Variants in LRP1B observed in about 807,000 individuals in gnomAD.
LRP1B encodes low-density lipoprotein receptor-related protein 1B.
LRP1B carries 217 observed loss-of-function variants against 556.6 expected under a neutral mutation model. That is an observed-to-expected ratio of 0.39 (90% confidence interval 0.35 to 0.44). The LOEUF (loss-of-function observed/expected upper bound fraction) is 0.44, where lower values mean the gene tolerates loss of function less well. Ranked by LOEUF, LRP1B falls within the 20% of genes least tolerant of loss-of-function variation. The pLI, the probability that LRP1B is intolerant of heterozygous loss-of-function variation, is 1.00. For missense variants in LRP1B, 5,053 were observed against 5,620.8 expected (o/e 0.90, Z 3.23); for synonymous variants, 2,047 against 1,865.8 (o/e 1.10, Z -2.50).
chr2:140,353,342 TTTTC>T (rs775091368), intron 75 of LRP1B, among the ~76,000 whole-genome samples: 51 of 152,192 alleles, frequency 3.4e-4, no homozygotes, highest in Non-Finnish European at 6.5e-4. Context: ...GGGCTTTCTT[TTTTC>T]TTTCTTAAAA....
intron 41 of LRP1B, among the ~76,000 whole-genome samples, chr2:140,647,107 T>C (rs1574188053): frequency 6.6e-6 from 1 of 152,302 alleles, no homozygotes; most frequent in East Asian, 1.9e-4. Flanking sequence ...CGCATTTAAA[T>C]GCAGTATTCT....
At position 140,556,317 on chromosome 2, in the gene LRP1B, GC is replaced by G. The variant is rs139197425; in HGVS notation, c.7195-14347del. Among the ~76,000 whole-genome samples the G allele has an allele frequency of 1.4e-3, 218 of 151,920 alleles. 1 individual carries two copies. The highest frequency in any genetic ancestry group is 5.1e-3 in the African/African-American group (212 of 41,460). On this transcript the variant is annotated intron_variant, in intron 43 of 90. Coordinates refer to ENST00000389484, the MANE Select transcript of LRP1B (RefSeq NM_018557.3). ...AATCTGCCCTATACTTGGAGGAAAG[GC>G]CCCCCCACAATGTACTCTATACGTG...
At position 141,349,228 on chromosome 2, in the gene LRP1B, C is replaced by A. The variant is rs185253137; in HGVS notation, c.344-94587G>T. On this transcript the variant is annotated intron_variant, in intron 3 of 90. Transcript: ENST00000389484. ...TAAATAACTAATCAATAAATATGGC[C>A]ACATCATCATCTTTTATCCCTCCTT... Among the ~76,000 whole-genome samples, 15 of 151,996 alleles carry A rather than the reference C, an allele frequency of 9.9e-5. No individual in the cohort carries two copies. In the East Asian group the frequency reaches 2.7e-3, roughly 27 times the overall value.
intron 1 of LRP1B, among the ~76,000 whole-genome samples, chr2:141,877,631 TA>T (rs1239266961): frequency 2.6e-5 from 4 of 152,028 alleles, no homozygotes; most frequent in Non-Finnish European, 5.9e-5. Flanking sequence ...TTCGCAAATT[TA>T]ATTTCTAATT....
chr2:142,113,598 G>T (rs1253857227), intron 1 of LRP1B, among the ~76,000 whole-genome samples: 1 of 152,008 alleles, frequency 6.6e-6, no homozygotes, highest in Non-Finnish European at 1.5e-5. Context: ...ACAATGTTGT[G>T]TTCATGGTGA....
At chr2:141,334,218 C>T (rs111550057) in intron 3 of LRP1B, among the ~76,000 whole-genome samples, 3,216 of 152,234 alleles carry the variant, frequency 0.021, 57 homozygotes, top group Non-Finnish European at 0.034. Context: ...CAGTGTTGGA[C>T]GTGGGGCCTG....
intron 41 of LRP1B, among the ~76,000 whole-genome samples, chr2:140,687,159 A>G (rs560304159): frequency 6.6e-6 from 1 of 152,214 alleles, no homozygotes; most frequent in Admixed American, 6.5e-5. Context: ...AAGATTTCTG[A>G]GAGAAGAGGA....
At chr2:141,941,913 T>C (rs562618522) in intron 1 of LRP1B, among the ~76,000 whole-genome samples, 2 of 152,330 alleles carry the variant, frequency 1.3e-5, no homozygotes, top group Admixed American at 1.3e-4. Flanking sequence ...CAAAGACTAT[T>C]ACATAATGCT....
intron 1 of LRP1B, among the ~76,000 whole-genome samples, chr2:141,933,901 A>G (rs1433216800): frequency 6.6e-6 from 1 of 152,126 alleles, no homozygotes; most frequent in East Asian, 1.9e-4. Flanking sequence ...TTAAAAAATA[A>G]TCAGCCAATC....
At chr2:142,088,983 A>G (rs1422449050) in intron 1 of LRP1B, among the ~76,000 whole-genome samples, 7 of 55,530 alleles carry the variant, frequency 1.3e-4, no homozygotes, top group Non-Finnish European at 2.0e-4. Flanking sequence ...TCAAAAAAAA[A>G]AAAAAAAAAA....
chr2:141,741,263 C>CTTTTTTTTTTTTTTTTTTTTTT (rs11326947), intron 2 of LRP1B, among the ~76,000 whole-genome samples: 3 of 57,982 alleles, frequency 5.2e-5, no homozygotes, highest in South Asian at 6.3e-4. Flanking sequence ...TACTGATTTC[C>CTTTTTTTTTTTTTTTTTTTTTT]TTTTTTTTTT....
intron 24 of LRP1B, 39 bp from the exon 25 acceptor site, chr2:140,884,060 G>A (rs1263427753): frequency 1.1e-5 from 17 of 1,583,022 alleles, no homozygotes; most frequent in Non-Finnish European, 1.5e-5. Flanking sequence ...ACCCATTCAA[G>A]GATTGTGTTA....
chr2:140,595,775 T>TA (rs1682418040), intron 43 of LRP1B, among the ~76,000 whole-genome samples: 1 of 152,122 alleles, frequency 6.6e-6, no homozygotes, highest in African/African-American at 2.4e-5. Flanking sequence ...ATTACATTTT[T>TA]AAAAAAGCAT....
chr2:140,622,944 T>TCTGA (rs1683507380), intron 41 of LRP1B, among the ~76,000 whole-genome samples: 1 of 138,936 alleles, frequency 7.2e-6, no homozygotes, highest in Admixed American at 7.7e-5. Flanking sequence ...ATGCTTCTAT[T>TCTGA]CTGATTTTAA....
At chr2:140,713,060 G>A (rs981118553) in intron 37 of LRP1B, among the ~76,000 whole-genome samples, 7 of 151,604 alleles carry the variant, frequency 4.6e-5, no homozygotes, top group Admixed American at 6.6e-5. Flanking sequence ...GTACACTATC[G>A]CAGCTTATTA....
intron 6 of LRP1B, among the ~76,000 whole-genome samples, chr2:141,224,913 G>A (rs899764316): frequency 2.6e-5 from 4 of 151,928 alleles, no homozygotes; most frequent in Non-Finnish European, 4.4e-5. Flanking sequence ...GCAAACCACC[G>A]CAGTACATGT....
In LRP1B at chr2:141,579,724, C is replaced by CTTTTTTTTTTTTTTTTTTTTTTTTTTTTT. The variant is rs33913417; in HGVS notation, c.206-99192_206-99191insAAAAAAAAAAAAAAAAAAAAAAAAAAAAA. Among the ~76,000 whole-genome samples, 48 of 100,960 alleles carry CTTTTTTTTTTTTTTTTTTTTTTTTTTTTT rather than the reference C, an allele frequency of 4.8e-4. 8 individuals are homozygous for CTTTTTTTTTTTTTTTTTTTTTTTTTTTTT. The highest frequency in any genetic ancestry group is 6.6e-4 in the Non-Finnish European group (37 of 56,168). The allele number at this position is 100,960 out of a possible 152,430, so 66.2% of individuals were successfully genotyped here. A position where few individuals can be genotyped will look rare whatever the true frequency, so the allele number is the denominator to read the frequency against. On this transcript the variant is annotated intron_variant, in intron 2 of 90. Transcript: ENST00000389484. The stretch of plus-strand genomic sequence containing the variant: ...CATAAGGAAAACATATCAGGTTTCA[C>CTTTTTTTTTTTTTTTTTTTTTTTTTTTTT]TTTTTTTTTTTTTTTTTTGAGACGG...
chr2:141,653,508 T>A (rs1372155605), intron 2 of LRP1B, among the ~76,000 whole-genome samples: 2 of 152,226 alleles, frequency 1.3e-5, no homozygotes, highest in African/African-American at 4.8e-5. Flanking sequence ...TGTAAATGTG[T>A]GTCCTATAAT....
At chr2:141,096,715 A>AACAAGAT (rs1453257586) in intron 7 of LRP1B, among the ~76,000 whole-genome samples, 1 of 139,256 alleles carries the variant, frequency 7.2e-6, no homozygotes, top group Non-Finnish European at 1.6e-5. Flanking sequence ...CATCTTCAGG[A>AACAAGAT]ACAAGATTAG....
Sources: gnomAD v4.1 joint callset for allele counts (sites outside exome capture counted in the v4.1 genomes callset) on GRCh38, gnomAD v4.1.1 for gene constraint, MANE v1.5 for transcripts, NCBI Gene and HGNC (gene_info 2026-07-23, HGNC 2026-07-21) for gene names.